OSTF1: variants seen among roughly 807,000 people sequenced by gnomAD.
OSTF1 encodes osteoclast-stimulating factor 1.
OSTF1 carries 27 observed loss-of-function variants against 37.2 expected under a neutral mutation model. The ratio of observed to expected loss-of-function variants is 0.73; its 90% CI spans 0.54 to 1.00. OSTF1 has a LOEUF of 1.00. Among genes scored for constraint, OSTF1 ranks in the 50% least tolerant of loss-of-function variants. The pLI is 0.00. For synonymous variants in OSTF1, 82 were observed against 89.2 expected, an observed-to-expected ratio of 0.92 and a Z score of 0.46; for missense variants, 232 against 253.8, an observed-to-expected ratio of 0.91 and a Z score of 0.58.
At chr9:75,094,917 G>A (rs925517080) in intron 1 of OSTF1, among the ~76,000 whole-genome samples, 35 of 152,108 alleles carry the variant, frequency 2.3e-4, no homozygotes, top group Non-Finnish European at 4.6e-4. Flanking sequence ...TTGGTGGTGC[G>A]TGTTTGTAGT....
intron 3 of OSTF1, 92 bp downstream of exon 3, chr9:75,127,711 A>G (rs117710534): frequency 0.026 from 18,459 of 704,996 alleles, 350 homozygotes; most frequent in Non-Finnish European, 0.031. Flanking sequence ...ATGTACATAG[A>G]AATACATATG....
chr9:75,105,608 G>C (rs1049757090), intron 1 of OSTF1, among the ~76,000 whole-genome samples: 1 of 151,820 alleles, frequency 6.6e-6, no homozygotes, highest in African/African-American at 2.4e-5. Flanking sequence ...GACTGATCTT[G>C]CCTTTTGCGG....
chr9:75,114,664 T>C (rs146452752), intron 1 of OSTF1, among the ~76,000 whole-genome samples: 1 of 152,038 alleles, frequency 6.6e-6, no homozygotes, highest in Admixed American at 6.5e-5. Context: ...GCAATTCTCA[T>C]GACACCCACC....
chr9:75,110,491 T>A (rs1039383579), intron 1 of OSTF1, among the ~76,000 whole-genome samples: 2 of 152,230 alleles, frequency 1.3e-5, no homozygotes, highest in Non-Finnish European at 2.9e-5. Context: ...TATCCCATTG[T>A]CAGTATTTTT....
At chr9:75,139,633 G>A (rs993418839) in intron 8 of OSTF1, among the ~76,000 whole-genome samples, 4 of 152,172 alleles carry the variant, frequency 2.6e-5, no homozygotes. Flanking sequence ...ATGTTGGTCA[G>A]GCTGGTCTTG....
In OSTF1 at chr9:75,110,611, GTCTA is replaced by G. The variant is rs371793042; in HGVS notation, c.35-6887_35-6884del. Among the ~76,000 whole-genome samples the G allele has an allele frequency of 3.1e-3, 471 of 152,184 alleles. 2 individuals carry two copies. The highest frequency in any genetic ancestry group is 0.011 in the African/African-American group (458 of 41,516). ...TTCTTAAAAAGACATAAGTGAAATA[GTCTA>G]TCTATTACAGATGGCCAGGGGCTGA... On this transcript the variant is annotated intron_variant, in intron 1 of 9. Transcript: ENST00000346234.
intron 3 of OSTF1, among the ~76,000 whole-genome samples, chr9:75,128,067 A>G (rs1451839070): frequency 6.6e-6 from 1 of 151,936 alleles, no homozygotes; most frequent in Non-Finnish European, 1.5e-5. Flanking sequence ...TATGAAGAGT[A>G]AAGATCCTTT....
At chr9:75,116,155 A>G (rs1371905973) in intron 1 of OSTF1, among the ~76,000 whole-genome samples, 2 of 151,942 alleles carry the variant, frequency 1.3e-5, no homozygotes, top group Non-Finnish European at 2.9e-5. Flanking sequence ...TAAAAATTAC[A>G]ATATAACTAT....
rs1692710336 is a variant in OSTF1, at chr9:75,146,834, A to G, written c.*93A>G. ...AGAAAAGTGTTGGTAACTATAAAGAAAATTATATATGAACACGGCAGTGTT... is the reference window on the plus strand; with the variant it reads ...AGAAAAGTGTTGGTAACTATAAAGAGAATTATATATGAACACGGCAGTGTT... On this transcript the variant is annotated 3_prime_UTR_variant, in exon 10 of 10. Transcript: ENST00000346234. The G allele has an allele frequency of 8.4e-6, 7 of 834,990 alleles. No individual in the cohort carries two copies. The South Asian group carries it at 8.9e-5, about 11-fold the overall frequency. The allele number at this position is 834,990 out of a possible 1,614,324, so 51.7% of individuals were successfully genotyped here. A position where few individuals can be genotyped will look rare whatever the true frequency, so the allele number is the denominator to read the frequency against.
intron 2 of OSTF1, among the ~76,000 whole-genome samples, chr9:75,123,299 G>A (rs1202193436): frequency 6.6e-6 from 1 of 152,228 alleles, no homozygotes; most frequent in African/African-American, 2.4e-5. Context: ...GCAGGCACCT[G>A]TAGTCCCAGC....
intron 2 of OSTF1, among the ~76,000 whole-genome samples, chr9:75,122,112 C>T (rs1182797772): frequency 1.3e-5 from 2 of 152,186 alleles, no homozygotes; most frequent in Non-Finnish European, 2.9e-5. Flanking sequence ...GTGTCAACCA[C>T]GGACCTGGCT....
rs77755992 is a variant in OSTF1 at position 75,120,169 on chromosome 9, A to G, written c.81+2619A>G. On this transcript the variant is annotated intron_variant, in intron 2 of 9. Coordinates refer to ENST00000346234, the MANE Select transcript of OSTF1 (RefSeq NM_012383.5). ...ATGCATTTAATACCCCCATAAGCCC[A>G]TCGTAAAGTTGACAAATTGTTAAGT... Among the ~76,000 whole-genome samples the G allele has an allele frequency of 1.6e-4, 25 of 152,290 alleles. No homozygotes were observed. In the East Asian group the frequency reaches 4.0e-3, roughly 25 times the overall value.
intron 2 of OSTF1, among the ~76,000 whole-genome samples, chr9:75,122,020 T>C (rs79201592): frequency 0.048 from 7,261 of 152,210 alleles, 219 homozygotes; most frequent in Middle Eastern, 0.078. Context: ...CATTTCTCAT[T>C]TGTCTTGCTT....
chr9:75,108,787 TC>T (rs1383162463), intron 1 of OSTF1, among the ~76,000 whole-genome samples: 1 of 152,096 alleles, frequency 6.6e-6, no homozygotes, highest in Admixed American at 6.6e-5. Context: ...CAGCGTCACT[TC>T]CGGCAGCAGT....
chr9:75,100,048 G>A (rs1396631643), intron 1 of OSTF1, among the ~76,000 whole-genome samples: 1 of 152,196 alleles, frequency 6.6e-6, no homozygotes, highest in East Asian at 1.9e-4. Flanking sequence ...ACTACAATTT[G>A]TTAGGACAGA....
intron 8 of OSTF1, 25 bp downstream of exon 8, chr9:75,137,641 G>C (rs369849730): frequency 3.4e-6 from 5 of 1,474,248 alleles, no homozygotes; most frequent in Non-Finnish European, 4.7e-6. Flanking sequence ...GAGTTTATCT[G>C]GTCTTTGCTT....
intron 1 of OSTF1, among the ~76,000 whole-genome samples, chr9:75,096,591 T>C (rs1167003672): frequency 6.6e-6 from 1 of 152,190 alleles, no homozygotes; most frequent in Non-Finnish European, 1.5e-5. Flanking sequence ...GGAATTTTGC[T>C]TGGTTCTGAG....
Position 75,117,384 on chromosome 9 carries a change from C to G in OSTF1, c.35-120C>G, listed in dbSNP as rs968029959. 59 of 671,296 alleles carry G rather than the reference C, an allele frequency of 8.8e-5. No homozygotes were observed. The African/African-American group carries it at 9.1e-4, about 10-fold the overall frequency. 41.6% of individuals were successfully genotyped at this position (671,296 alleles called of 1,614,324 possible). A position where few individuals can be genotyped will look rare whatever the true frequency, so the allele number is the denominator to read the frequency against. On this transcript the variant is annotated intron_variant, in intron 1 of 9. Transcript: ENST00000346234. Reference sequence around the variant, plus strand: ...TACCCTTTCCAGCCTCTAGTATCCTCTGTTCTACTTGATCACATGGGTTTT... The same window carrying G: ...TACCCTTTCCAGCCTCTAGTATCCTGTGTTCTACTTGATCACATGGGTTTT...
intron 1 of OSTF1, among the ~76,000 whole-genome samples, chr9:75,107,694 A>T (rs117017534): frequency 0.037 from 5,655 of 152,314 alleles, 148 homozygotes; most frequent in Middle Eastern, 0.12. Context: ...ATAACCCAGA[A>T]CATAAAAATA....
Sources: gnomAD v4.1 joint callset for allele counts (sites outside exome capture counted in the v4.1 genomes callset) on GRCh38, gnomAD v4.1.1 for gene constraint, MANE v1.5 for transcripts, NCBI Gene and HGNC (gene_info 2026-07-23, HGNC 2026-07-21) for gene names.